Variants in FHIT observed in about 807,000 individuals in gnomAD.
FHIT encodes the protein bis(5'-adenosyl)-triphosphatase.
FHIT carries 19 observed loss-of-function variants against 17.9 expected under a neutral mutation model. The observed-to-expected ratio is 1.06, with a 90% CI of 0.74 to 1.56. The LOEUF (loss-of-function observed/expected upper bound fraction) is 1.56. Among genes scored for constraint, FHIT ranks in the 40% most tolerant of loss-of-function variants. FHIT has a pLI of 0.00. For synonymous variants in FHIT, 81 were observed against 69.7 expected (o/e 1.16, Z -0.81); for missense variants, 248 against 189.2 (o/e 1.31, Z -1.82).
chr3:60,927,145 G>A (rs1438337180), intron 3 of FHIT, among the ~76,000 whole-genome samples: 11 of 152,300 alleles, frequency 7.2e-5, no homozygotes, highest in South Asian at 6.2e-4. Context: ...GATTGCAGGC[G>A]TGCGCTGCTA....
intron 5 of FHIT, among the ~76,000 whole-genome samples, chr3:60,377,089 C>T (rs1700593741): frequency 6.6e-6 from 1 of 152,064 alleles, no homozygotes; most frequent in African/African-American, 2.4e-5. Flanking sequence ...ACACAGGTGA[C>T]TGAAATATAA....
chr3:60,146,930 G>A (rs11130756), intron 5 of FHIT, among the ~76,000 whole-genome samples: 55,851 of 152,022 alleles, frequency 0.37, 11,491 homozygotes, highest in African/African-American at 0.55. Context: ...GTTACAAATA[G>A]ATATAAAATG....
At position 60,960,500 on chromosome 3, in the gene FHIT, G is replaced by A. The variant is rs548662368; in HGVS notation, c.-111+81547C>T. ...AGGTTTGTTACATATGTATACATGT[G>A]CCATGTTAGTGTGCTGCACCCATTA... On this transcript the variant is annotated intron_variant, in intron 3 of 9. Coordinates refer to ENST00000492590, the MANE Select transcript of FHIT (RefSeq NM_002012.4). Among the ~76,000 whole-genome samples the A allele has an allele frequency of 2.6e-5, 4 of 152,238 alleles. No individual in the cohort carries two copies. In the South Asian group the frequency reaches 6.2e-4, roughly 24 times the overall value.
intron 5 of FHIT, among the ~76,000 whole-genome samples, chr3:60,018,923 T>C (rs895433778): frequency 1.3e-5 from 2 of 152,186 alleles, no homozygotes; most frequent in Non-Finnish European, 2.9e-5. Flanking sequence ...GAGGTTGCAG[T>C]GAGCCAAGGT....
rs80250359 is a variant in FHIT at position 60,144,190 on chromosome 3, T to C, written c.104-130038A>G. Among the ~76,000 whole-genome samples, 253 of 152,300 alleles carry C rather than the reference T, an allele frequency of 1.7e-3. 4 individuals are homozygous for C. Among genetic ancestry groups the C allele is most frequent in the African/African-American group, 5.8e-3 (241 of 41,570 alleles). ...AGCATCCATACGGCAGAAGTTGTTA[T>C]GGGGACTTATTCATTTACACATGGA... On this transcript the variant is annotated intron_variant, in intron 5 of 9. Transcript: ENST00000492590.
At chr3:60,438,813 G>A (rs184004450) in intron 5 of FHIT, among the ~76,000 whole-genome samples, 15 of 152,156 alleles carry the variant, frequency 9.9e-5, no homozygotes, top group East Asian at 5.8e-4. Context: ...AATGATGTCC[G>A]TGGTACCCAG....
At chr3:60,325,459 A>G (rs1186090772) in intron 5 of FHIT, among the ~76,000 whole-genome samples, 3 of 152,222 alleles carry the variant, frequency 2.0e-5, no homozygotes, top group Non-Finnish European at 2.9e-5. Context: ...TTTCAATGAT[A>G]GTGTTTTGTT....
At chr3:60,227,354 G>A (rs570561143) in intron 5 of FHIT, among the ~76,000 whole-genome samples, 3 of 152,224 alleles carry the variant, frequency 2.0e-5, no homozygotes, top group South Asian at 2.1e-4. Context: ...TGGGATTCCC[G>A]AAGGACCACC....
At chr3:60,731,288 T>A (rs1257940761) in intron 4 of FHIT, among the ~76,000 whole-genome samples, 1 of 150,776 alleles carries the variant, frequency 6.6e-6, no homozygotes, top group Non-Finnish European at 1.5e-5. Context: ...GAAGAAAGAG[T>A]TCAACCAAGG....
At chr3:59,942,194 T>G (rs180780478) in intron 7 of FHIT, among the ~76,000 whole-genome samples, 1 of 152,340 alleles carries the variant, frequency 6.6e-6, no homozygotes, top group East Asian at 1.9e-4. Context: ...TCACCGTATC[T>G]TGCTCTCTGG....
intron 5 of FHIT, among the ~76,000 whole-genome samples, chr3:60,434,286 AT>A (rs2030011051): frequency 6.6e-6 from 1 of 152,092 alleles, no homozygotes; most frequent in Admixed American, 6.6e-5. Flanking sequence ...CCAAATCACT[AT>A]TGACAGCAAA....
At chr3:60,571,553 G>C (rs749659051) in intron 4 of FHIT, among the ~76,000 whole-genome samples, 32 of 152,148 alleles carry the variant, frequency 2.1e-4, no homozygotes, top group Admixed American at 5.9e-4. Flanking sequence ...GGAGCAAAAA[G>C]TGTGTCCCCA....
At chr3:59,755,110 C>T (rs968670330) in intron 8 of FHIT, among the ~76,000 whole-genome samples, 5 of 152,226 alleles carry the variant, frequency 3.3e-5, no homozygotes, top group African/African-American at 9.6e-5. Flanking sequence ...AGAAAGAATC[C>T]GCTTGCCTTT....
intron 4 of FHIT, among the ~76,000 whole-genome samples, chr3:60,723,319 C>T (rs920892212): frequency 2.0e-4 from 30 of 152,042 alleles, no homozygotes; most frequent in Admixed American, 1.7e-3. Flanking sequence ...GCAATGTTGG[C>T]CTTTGGTTAG....
chr3:59,950,914 A>G (rs1174861219), intron 7 of FHIT, among the ~76,000 whole-genome samples: 1 of 152,208 alleles, frequency 6.6e-6, no homozygotes, highest in African/African-American at 2.4e-5. Context: ...CAGTAATAGT[A>G]TTAGGATGAA....
intron 5 of FHIT, among the ~76,000 whole-genome samples, chr3:60,484,634 TG>T (rs770408726): frequency 2.2e-4 from 34 of 152,314 alleles, no homozygotes; most frequent in Non-Finnish European, 4.1e-4. Flanking sequence ...AAACTGAAAC[TG>T]GACCCCTTCC....
chr3:59,987,318 G>T lies in FHIT; in HGVS notation c.279+24053C>A, dbSNP rs565753962. Among the ~76,000 whole-genome samples the T allele has an allele frequency of 8.4e-4, 128 of 151,706 alleles. 1 individual carries two copies. Among genetic ancestry groups the T allele is most frequent in the Non-Finnish European group, 1.4e-3 (95 of 67,898 alleles). On this transcript the variant is annotated intron_variant, in intron 7 of 9. Transcript: ENST00000492590. ...CATTCACCTGGTATAAATGAGCTTG[G>T]CTGTGAACACGGTTAGAAATTAGAG...
intron 4 of FHIT, among the ~76,000 whole-genome samples, chr3:60,714,806 C>T (rs2041637743): frequency 6.6e-6 from 1 of 152,162 alleles, no homozygotes; most frequent in African/African-American, 2.4e-5. Context: ...AATGGAAGAA[C>T]ATTCCATGCT....
At chr3:60,118,567 T>G (rs1428823792) in intron 5 of FHIT, among the ~76,000 whole-genome samples, 1 of 151,976 alleles carries the variant, frequency 6.6e-6, no homozygotes, top group East Asian at 1.9e-4. Context: ...TTCAATTACT[T>G]TAGAATCTTT....
Sources: gnomAD v4.1 joint callset for allele counts (sites outside exome capture counted in the v4.1 genomes callset) on GRCh38, gnomAD v4.1.1 for gene constraint, MANE v1.5 for transcripts, NCBI Gene and HGNC (gene_info 2026-07-23, HGNC 2026-07-21) for gene names.